The following PTPRN2 variants were observed in gnomAD, a reference collection of about 807,000 sequenced individuals.
The protein encoded by PTPRN2 is receptor-type tyrosine-protein phosphatase N2.
A neutral mutation model predicts 118.8 loss-of-function variants in PTPRN2; 74 were observed. The observed-to-expected ratio is 0.62, with a 90% CI of 0.52 to 0.76. The LOEUF (loss-of-function observed/expected upper bound fraction) is 0.76. Ranked by LOEUF, PTPRN2 falls within the 30% of genes least tolerant of loss-of-function variation. The pLI, the probability that PTPRN2 is intolerant of heterozygous loss-of-function variation, is 0.00. For missense variants in PTPRN2, 1,481 were observed against 1,394.4 expected, an observed-to-expected ratio of 1.06 and a Z score of -0.99; for synonymous variants, 641 against 608.0, an observed-to-expected ratio of 1.05 and a Z score of -0.80.
At chr7:158,183,359 T>C (rs1480652528) in intron 5 of PTPRN2, among the ~76,000 whole-genome samples, 5 of 152,194 alleles carry the variant, frequency 3.3e-5, no homozygotes, top group Non-Finnish European at 7.3e-5. Flanking sequence ...TCAGACCACA[T>C]CTATCCCAGT....
At position 157,868,747 on chromosome 7, in the gene PTPRN2, C is replaced by T. The variant is rs62476455; in HGVS notation, c.1788+29926G>A. On this transcript the variant is annotated intron_variant, in intron 12 of 22. Coordinates refer to ENST00000389418, the MANE Select transcript of PTPRN2 (RefSeq NM_002847.5). This position sits in a 1 kb window ranked among gnomAD's most constrained non-coding sequence, Gnocchi z 5.2. Reference sequence around the variant, plus strand: ...GTCGTTCTTCATTGTATTGTGAGCTCCCTCTGGGCTGTGCACTCCGGGCCA... The same window carrying T: ...GTCGTTCTTCATTGTATTGTGAGCTTCCTCTGGGCTGTGCACTCCGGGCCA... 3,117 of 152,290 alleles carry T rather than the reference C, an allele frequency of 0.02. 58 individuals carry two copies. Among genetic ancestry groups the T allele is most frequent in the Non-Finnish European group, 0.031 (2,127 of 68,054 alleles). 9.4% of individuals were successfully genotyped at this position (152,290 alleles called of 1,614,324 possible).
chr7:157,591,038 A>G lies in PTPRN2; in HGVS notation c.2496+4200T>C, dbSNP rs1246901620. 1.3e-5 allele frequency among the ~76,000 whole-genome samples: 2 copies of G among 152,174 alleles called. No homozygotes were observed. Among genetic ancestry groups the G allele is most frequent in the East Asian group, 3.9e-4 (2 of 5,184 alleles). ...AATAGGGTCTTTGCATATGTGGTCA[A>G]GTTAAGGTGAGGTCACACAGGCTAG... On this transcript the variant is annotated intron_variant, in intron 17 of 22. Coordinates refer to ENST00000389418, the MANE Select transcript of PTPRN2 (RefSeq NM_002847.5). The surrounding 1 kb of genome is among the most constrained non-coding windows in gnomAD (Gnocchi z 4.4).
chr7:158,111,688 G>A (rs190998755), intron 9 of PTPRN2, among the ~76,000 whole-genome samples: 79 of 152,304 alleles, frequency 5.2e-4, no homozygotes, highest in Non-Finnish European at 6.5e-4. Flanking sequence ...ATGCCTGCAG[G>A]GCACCAGGAG....
intron 2 of PTPRN2, among the ~76,000 whole-genome samples, chr7:158,352,699 A>C (rs1254088971): frequency 6.6e-6 from 1 of 152,238 alleles, no homozygotes; most frequent in Non-Finnish European, 1.5e-5. Flanking sequence ...TGATTGACAA[A>C]AACGAATCAC....
At position 157,835,200 on chromosome 7, in the gene PTPRN2, G is replaced by A. The variant is rs554211042; in HGVS notation, c.1788+63473C>T. 2.0e-5 allele frequency among the ~76,000 whole-genome samples: 3 copies of A among 152,294 alleles called. No homozygotes were observed. The South Asian group carries it at 6.2e-4, about 32-fold the overall frequency. ...GGAGGATTTCCTAAGGTGGCTGGAA[G>A]AGAACTCTGCTACCCTTTCCAACGA... On this transcript the variant is annotated intron_variant, in intron 12 of 22. Coordinates refer to ENST00000389418, the MANE Select transcript of PTPRN2 (RefSeq NM_002847.5).
intron 9 of PTPRN2, among the ~76,000 whole-genome samples, chr7:158,122,570 G>A (rs1206131388): frequency 6.6e-6 from 1 of 152,216 alleles, no homozygotes; most frequent in East Asian, 1.9e-4. Flanking sequence ...AATATAAAGA[G>A]TAGTAAAAAC....
intron 11 of PTPRN2, among the ~76,000 whole-genome samples, chr7:157,950,419 T>A (rs1800734429): frequency 2.0e-5 from 3 of 152,256 alleles, no homozygotes; most frequent in Admixed American, 1.3e-4. Flanking sequence ...GAATGCTCAC[T>A]GCTGGTCCTG....
chr7:158,325,965 G>T (rs1418689030), intron 2 of PTPRN2, among the ~76,000 whole-genome samples: 1 of 152,224 alleles, frequency 6.6e-6, no homozygotes, highest in East Asian at 1.9e-4. Context: ...CACCTGGGAA[G>T]CCCAGGAGGG....
intron 1 of PTPRN2, among the ~76,000 whole-genome samples, chr7:158,523,505 AGTGGAGTCG>A (rs1288593918): frequency 1.8e-4 from 22 of 119,026 alleles, no homozygotes; most frequent in African/African-American, 7.5e-4. Flanking sequence ...TCTGCCCTGG[AGTGGAGTCG>A]TCTGCCCTGG....
At chr7:157,758,969 C>T (rs1470424980) in intron 12 of PTPRN2, among the ~76,000 whole-genome samples, 1 of 152,266 alleles carries the variant, frequency 6.6e-6, no homozygotes, top group African/African-American at 2.4e-5. Flanking sequence ...TGACATCGCT[C>T]CTTAACTTTC....
chr7:157,669,533 CA>C (rs770724851), intron 13 of PTPRN2: 11 of 491,106 alleles, frequency 2.2e-5, no homozygotes, highest in Non-Finnish European at 4.0e-5. Flanking sequence ...GACACCCAGT[CA>C]GGGGCTGTAA....
At chr7:158,071,576 G>C (rs1811707172) in intron 11 of PTPRN2, among the ~76,000 whole-genome samples, 1 of 23,886 alleles carries the variant, frequency 4.2e-5, no homozygotes, top group Non-Finnish European at 1.0e-4. Flanking sequence ...TCCTGGTGGA[G>C]GTGCTCCTGG....
intron 11 of PTPRN2, among the ~76,000 whole-genome samples, chr7:158,039,578 A>C (rs1434378461): frequency 6.6e-6 from 1 of 152,236 alleles, no homozygotes; most frequent in African/African-American, 2.4e-5. Flanking sequence ...AAACAAGGAC[A>C]CCAGAAGAAA....
At position 158,356,439 on chromosome 7, in the gene PTPRN2, A is replaced by C. The variant is rs1808389358; in HGVS notation, c.164-39507T>G. 2.6e-5 allele frequency among the ~76,000 whole-genome samples: 4 copies of C among 152,310 alleles called. No individual in the cohort carries two copies. The South Asian group carries it at 8.3e-4, about 32-fold the overall frequency. On this transcript the variant is annotated intron_variant, in intron 2 of 22. Coordinates refer to ENST00000389418, the MANE Select transcript of PTPRN2 (RefSeq NM_002847.5). ...TCCTTCCCTATCACATTCCCACTTC[A>C]AATTCATCAACTCATAGAGTATCTT...
chr7:158,334,150 T>C (rs1189560237), intron 2 of PTPRN2, among the ~76,000 whole-genome samples: 3 of 8,874 alleles, frequency 3.4e-4, no homozygotes, highest in Admixed American at 2.1e-3. Flanking sequence ...AGGTGACACA[T>C]GCAGACGTCA....
intron 12 of PTPRN2, among the ~76,000 whole-genome samples, chr7:157,713,015 G>A (rs1798725930): frequency 6.6e-6 from 1 of 152,190 alleles, no homozygotes; most frequent in African/African-American, 2.4e-5. Context: ...GGCGGCCTCG[G>A]GCAGCTCACA....
At chr7:158,123,937 C>T (rs1817395397) in intron 9 of PTPRN2, among the ~76,000 whole-genome samples, 1 of 149,536 alleles carries the variant, frequency 6.7e-6, no homozygotes, top group South Asian at 2.1e-4. Context: ...GACCTCAGAT[C>T]CCGTGCCGAC....
chr7:158,166,215 C>A lies in PTPRN2; in HGVS notation c.910+716G>T, dbSNP rs1217190073. On this transcript the variant is annotated intron_variant, in intron 6 of 22. Transcript: ENST00000389418. ...GGATGAACAAGAAGTGAGAAGGGAA[C>A]ACACACTGTCCTCACACCCTCAGGA... Among the ~76,000 whole-genome samples the A allele has an allele frequency of 2.0e-5, 3 of 151,120 alleles. 1 individual carries two copies. The highest frequency in any genetic ancestry group is 3.0e-5 in the Non-Finnish European group (2 of 67,756).
At chr7:158,476,790 G>T (rs574648392) in intron 2 of PTPRN2, among the ~76,000 whole-genome samples, 1 of 152,366 alleles carries the variant, frequency 6.6e-6, no homozygotes, top group South Asian at 2.1e-4. Flanking sequence ...ATCTGGTTCT[G>T]TTCCTCCCGC....
Sources: gnomAD v4.1 joint callset for allele counts (sites outside exome capture counted in the v4.1 genomes callset) on GRCh38, gnomAD v4.1.1 for gene constraint, Gnocchi (gnomAD v3.1) non-coding constraint, MANE v1.5 for transcripts, NCBI Gene and HGNC (gene_info 2026-07-23, HGNC 2026-07-21) for gene names.